CNIH3: variants seen among roughly 807,000 people sequenced by gnomAD.
CNIH3 encodes protein cornichon homolog 3.
Under a neutral mutation model 24.1 loss-of-function variants are expected in CNIH3, and 14 were observed. That is an observed-to-expected ratio of 0.58 (90% CI 0.38 to 0.91). CNIH3 has a LOEUF of 0.91. CNIH3 is among the 40% of genes least tolerant of loss of function. CNIH3 has a pLI of 0.00. For synonymous variants in CNIH3, 68 were observed against 73.8 expected, an observed-to-expected ratio of 0.92 and a Z score of 0.40; for missense variants, 178 against 196.8, an observed-to-expected ratio of 0.90 and a Z score of 0.57.
Position 224,704,057 on chromosome 1 carries a change from T to C in CNIH3, c.198+19214T>C, listed in dbSNP as rs538954250. Among the ~76,000 whole-genome samples, 6 of 149,712 alleles carry C rather than the reference T, an allele frequency of 4.0e-5. No homozygotes were observed. Among genetic ancestry groups the C allele is most frequent in the African/African-American group, 1.3e-4 (5 of 39,138 alleles). On this transcript the variant is annotated intron_variant, in intron 3 of 5. Coordinates refer to ENST00000272133, the MANE Select transcript of CNIH3 (RefSeq NM_152495.2). This position sits in a 1 kb window ranked among gnomAD's most constrained non-coding sequence, Gnocchi z 4.2. The stretch of plus-strand genomic sequence containing the variant: ...GTGCGCCTTTGGTGGAGTGAGAACA[T>C]GAACTACTGTTCAGGAGGTAGGGGC...
chr1:224,711,271 C>T (rs1198598880), intron 3 of CNIH3, among the ~76,000 whole-genome samples: 1 of 151,698 alleles, frequency 6.6e-6, no homozygotes, highest in Non-Finnish European at 1.5e-5. Flanking sequence ...TCATCTCTTC[C>T]TTTTCATTCC....
intron 3 of CNIH3, among the ~76,000 whole-genome samples, chr1:224,606,868 G>A (rs968014566): frequency 1.2e-4 from 18 of 152,112 alleles, no homozygotes; most frequent in Non-Finnish European, 2.4e-4. Context: ...AGGTGCTTTG[G>A]TGCTATGAAA....
chr1:224,528,071 G>A (rs918265810), intron 2 of CNIH3, among the ~76,000 whole-genome samples: 12 of 151,950 alleles, frequency 7.9e-5, no homozygotes, highest in Admixed American at 2.6e-4. Context: ...AGACCAGAGT[G>A]GGCAACATGG....
At chr1:224,713,646 C>T (rs1335322368) in intron 3 of CNIH3, among the ~76,000 whole-genome samples, 1 of 152,004 alleles carries the variant, frequency 6.6e-6, no homozygotes, top group African/African-American at 2.4e-5. Flanking sequence ...TAAACATTAG[C>T]CACTATTATT....
intron 5 of CNIH3, among the ~76,000 whole-genome samples, chr1:224,587,791 A>C (rs1681572480): frequency 6.6e-6 from 1 of 151,704 alleles, no homozygotes; most frequent in African/African-American, 2.4e-5. Flanking sequence ...AGTTTTAAAA[A>C]AATAGCGGGG....
intron 3 of CNIH3, among the ~76,000 whole-genome samples, chr1:224,712,187 C>T (rs1479271623): frequency 6.6e-6 from 1 of 152,240 alleles, no homozygotes; most frequent in African/African-American, 2.4e-5. Context: ...GTTCTTCTCT[C>T]ACCTTTAGCA....
chr1:224,440,973 T>A (rs1226657833), intron 1 of CNIH3, among the ~76,000 whole-genome samples: 1 of 152,104 alleles, frequency 6.6e-6, no homozygotes, highest in African/African-American at 2.4e-5. Flanking sequence ...TCCGCCACCA[T>A]GCCCGGCTAA....
At chr1:224,617,383 C>G (rs1353280692) in intron 1 of CNIH3, 128 bp downstream of exon 1, 2 of 1,042,422 alleles carry the variant, frequency 1.9e-6, no homozygotes, top group Non-Finnish European at 2.8e-6. Flanking sequence ...GCTCCACTGT[C>G]CCGGGGCAGG....
At chr1:224,518,502 T>C (rs772552483) in intron 1 of CNIH3, among the ~76,000 whole-genome samples, 30 of 86,796 alleles carry the variant, frequency 3.5e-4, no homozygotes, top group Non-Finnish European at 6.4e-4. Context: ...TTTTGAAGCC[T>C]TTTTTTTTTT....
intron 1 of CNIH3, among the ~76,000 whole-genome samples, chr1:224,480,117 T>TTTGA (rs2103010261): frequency 6.6e-6 from 1 of 152,322 alleles, no homozygotes; most frequent in African/African-American, 2.4e-5. Flanking sequence ...ATCTCAGTTC[T>TTTGA]TTGACTTCTG....
chr1:224,568,070 T>A (rs557977172), intron 4 of CNIH3, among the ~76,000 whole-genome samples: 41 of 152,216 alleles, frequency 2.7e-4, no homozygotes, highest in South Asian at 1.9e-3. Flanking sequence ...GGCGGGCGGA[T>A]CACGAGGTCA....
rs535991282 is a variant in CNIH3 at position 224,709,320 on chromosome 1, A to G, written c.199-21142A>G. 3.9e-5 allele frequency among the ~76,000 whole-genome samples: 6 copies of G among 152,166 alleles called. No individual in the cohort carries two copies. The South Asian group carries it at 1.2e-3, about 32-fold the overall frequency. On this transcript the variant is annotated intron_variant, in intron 3 of 5. Coordinates refer to ENST00000272133, the MANE Select transcript of CNIH3 (RefSeq NM_152495.2). ...GCTTCTAACCATCTTGGGCATCTTT[A>G]CCTGGTTTTACTCATTGTACCTCAA...
At chr1:224,534,723 A>T (rs572470608) in intron 2 of CNIH3, among the ~76,000 whole-genome samples, 2 of 152,212 alleles carry the variant, frequency 1.3e-5, no homozygotes, top group African/African-American at 2.4e-5. Context: ...AGCTGCTATG[A>T]TCATATATCA....
chr1:224,515,435 A>T (rs186245665), upstream of CNIH3, among the ~76,000 whole-genome samples: 125 of 152,324 alleles, frequency 8.2e-4, 1 homozygote, highest in Non-Finnish European at 7.3e-4. Context: ...CTTGAGCACA[A>T]TTACACTTAG....
Position 224,616,343 on chromosome 1 carries a change from G to T in CNIH3, c.-832G>T. Reference sequence around the variant, plus strand: ...CAGTGGCAAAGGCGGCGGCGGCGGCGGCGGCAGCGGCAGCAGCAGGTGGAG... The same window carrying T: ...CAGTGGCAAAGGCGGCGGCGGCGGCTGCGGCAGCGGCAGCAGCAGGTGGAG... On this transcript the variant is annotated 5_prime_UTR_variant, in exon 1 of 6. Coordinates refer to ENST00000272133, the MANE Select transcript of CNIH3 (RefSeq NM_152495.2). 1 of 492,546 alleles carries T rather than the reference G, an allele frequency of 2.0e-6. No homozygotes were observed. The highest frequency in any genetic ancestry group is 2.8e-6 in the Non-Finnish European group (1 of 359,138). The allele number at this position is 492,546 out of a possible 1,614,324, so 30.5% of individuals were successfully genotyped here.
intron 1 of CNIH3, among the ~76,000 whole-genome samples, chr1:224,637,654 C>T (rs527915770): frequency 2.6e-5 from 4 of 152,330 alleles, no homozygotes; most frequent in South Asian, 2.1e-4. Flanking sequence ...CTCACAGGAA[C>T]GGATCATGAA....
intron 2 of CNIH3, among the ~76,000 whole-genome samples, chr1:224,534,830 T>G (rs912303465): frequency 5.3e-5 from 8 of 152,212 alleles, no homozygotes; most frequent in African/African-American, 1.9e-4. Context: ...CAGGGGCTGA[T>G]CCACAATGAA....
upstream of CNIH3, among the ~76,000 whole-genome samples, chr1:224,612,835 T>C (rs907034467): frequency 6.6e-6 from 1 of 152,118 alleles, no homozygotes; most frequent in African/African-American, 2.4e-5. The surrounding 1 kb of genome is among the most constrained non-coding windows in gnomAD (Gnocchi z 4.7). Context: ...CTCAGAATTT[T>C]GGTGTCACGA....
intron 1 of CNIH3, among the ~76,000 whole-genome samples, chr1:224,504,890 T>G (rs931482082): frequency 2.0e-5 from 3 of 152,106 alleles, no homozygotes; most frequent in African/African-American, 7.2e-5. Context: ...CCTGACACAT[T>G]GTAAGTGCTC....
Sources: gnomAD v4.1 joint callset for allele counts (sites outside exome capture counted in the v4.1 genomes callset) on GRCh38, gnomAD v4.1.1 for gene constraint, Gnocchi (gnomAD v3.1) non-coding constraint, MANE v1.5 for transcripts, NCBI Gene and HGNC (gene_info 2026-07-23, HGNC 2026-07-21) for gene names.